The following OPCML variants were observed in gnomAD, a reference collection of about 807,000 sequenced individuals.
OPCML encodes the protein opioid binding protein/cell adhesion molecule like, also known as opioid-binding protein/cell adhesion molecule.
A neutral mutation model predicts 37.8 loss-of-function variants in OPCML; 13 were observed. That is an observed-to-expected ratio of 0.34 (90% CI 0.22 to 0.55). OPCML has a LOEUF of 0.55. Among genes scored for constraint, OPCML ranks in the 20% least tolerant of loss-of-function variants. OPCML has a pLI of 0.91. For synonymous variants in OPCML, 176 were observed against 168.8 expected, an observed-to-expected ratio of 1.04 and a Z score of -0.33; for missense variants, 341 against 435.6, an observed-to-expected ratio of 0.78 and a Z score of 1.93.
At chr11:132,492,853 T>C (rs2096220406) in intron 4 of OPCML, among the ~76,000 whole-genome samples, 1 of 152,182 alleles carries the variant, frequency 6.6e-6, no homozygotes, top group Admixed American at 6.5e-5. Context: ...AGTAAATATT[T>C]TGAATGAATG....
In OPCML at chr11:132,899,769, C is replaced by G. The variant is rs544826986; in HGVS notation, c.146+43157G>C. 2.2e-4 allele frequency among the ~76,000 whole-genome samples: 33 copies of G among 152,146 alleles called. No homozygotes were observed. The South Asian group carries it at 6.5e-3, about 30-fold the overall frequency. The stretch of plus-strand genomic sequence containing the variant: ...AAGATCTGCCCTCACTGTATGTGGG[C>G]ACCATCCCATAGGCTGGGACCTAGA... On this transcript the variant is annotated intron_variant, in intron 2 of 7. Coordinates refer to ENST00000524381, the MANE Select transcript of OPCML (RefSeq NM_001012393.5).
chr11:132,658,256 A>G (rs1941800808), intron 2 of OPCML, among the ~76,000 whole-genome samples: 1 of 152,106 alleles, frequency 6.6e-6, no homozygotes, highest in Non-Finnish European at 1.5e-5. Context: ...AAGGACAACC[A>G]CTCTTGCCAA....
intron 3 of OPCML, among the ~76,000 whole-genome samples, chr11:132,604,261 C>G (rs1035232561): frequency 1.4e-5 from 2 of 147,202 alleles, no homozygotes; most frequent in Admixed American, 1.4e-4. Flanking sequence ...TTATCCCTTG[C>G]TTCTTTGTGT....
At chr11:132,677,969 C>T (rs556646531) in intron 2 of OPCML, among the ~76,000 whole-genome samples, 2 of 152,238 alleles carry the variant, frequency 1.3e-5, no homozygotes, top group African/African-American at 4.8e-5. Flanking sequence ...AAAGAAACCA[C>T]AGACTGGAAA....
At chr11:132,481,220 G>GA (rs2096179281) in intron 4 of OPCML, among the ~76,000 whole-genome samples, 1 of 152,114 alleles carries the variant, frequency 6.6e-6, no homozygotes, top group African/African-American at 2.4e-5. Context: ...ATAAAGGGAT[G>GA]GAGGAAGATC....
intron 1 of OPCML, among the ~76,000 whole-genome samples, chr11:133,314,497 A>G (rs1448441401): frequency 6.6e-6 from 1 of 151,132 alleles, no homozygotes; most frequent in East Asian, 1.9e-4. Context: ...TCTGCACACT[A>G]TTCATCTCTA....
chr11:132,690,189 C>G (rs1439277750), intron 2 of OPCML, among the ~76,000 whole-genome samples: 1 of 152,154 alleles, frequency 6.6e-6, no homozygotes, highest in African/African-American at 2.4e-5. Flanking sequence ...GTCCTCCCAC[C>G]TCAGTCTCAC....
chr11:133,363,370 TTCTC>T (rs941770338), intron 1 of OPCML, among the ~76,000 whole-genome samples: 2 of 151,846 alleles, frequency 1.3e-5, no homozygotes, highest in Admixed American at 6.6e-5. Flanking sequence ...TTGTGGTGAG[TTCTC>T]TCTCTTTCAG....
chr11:132,982,839 T>C (rs1423690871), intron 1 of OPCML, among the ~76,000 whole-genome samples: 1 of 152,334 alleles, frequency 6.6e-6, no homozygotes, highest in Non-Finnish European at 1.5e-5. Flanking sequence ...GCTCTCTCTA[T>C]GAGCCCAGCA....
chr11:132,472,524 A>G, intron 4 of OPCML, among the ~76,000 whole-genome samples: 1 of 152,178 alleles, frequency 6.6e-6, no homozygotes, highest in East Asian at 1.9e-4. Flanking sequence ...TCTCTCTGTA[A>G]TATTTATATT....
chr11:133,201,870 C>A (rs915548412), intron 1 of OPCML, among the ~76,000 whole-genome samples: 1 of 152,158 alleles, frequency 6.6e-6, no homozygotes, highest in Non-Finnish European at 1.5e-5. Context: ...TACCTCCTAA[C>A]TTTTTAGGTC....
intron 1 of OPCML, among the ~76,000 whole-genome samples, chr11:133,443,324 G>T (rs1946402815): frequency 6.6e-6 from 1 of 152,176 alleles, no homozygotes; most frequent in African/African-American, 2.4e-5. Flanking sequence ...TATGTATCAT[G>T]CCAAGTCATT....
intron 1 of OPCML, among the ~76,000 whole-genome samples, chr11:133,515,080 T>A (rs1403609399): frequency 6.6e-6 from 1 of 152,164 alleles, no homozygotes; most frequent in Non-Finnish European, 1.5e-5. Context: ...AGAAGAAAAA[T>A]TTGATGACTT....
At chr11:133,380,152 A>G (rs77949386) in intron 1 of OPCML, among the ~76,000 whole-genome samples, 7,982 of 152,220 alleles carry the variant, frequency 0.052, 265 homozygotes, top group African/African-American at 0.089. Context: ...TGGCCAGAAT[A>G]CAAGCAGGGG....
intron 4 of OPCML, among the ~76,000 whole-genome samples, chr11:132,442,562 C>G (rs777784056): frequency 2.6e-5 from 4 of 152,114 alleles, no homozygotes; most frequent in Non-Finnish European, 5.9e-5. Flanking sequence ...CTCTGAATAC[C>G]TCTGGGGACA....
At chr11:133,457,901 C>A (rs1946706551) in intron 1 of OPCML, among the ~76,000 whole-genome samples, 1 of 152,060 alleles carries the variant, frequency 6.6e-6, no homozygotes. Flanking sequence ...AATCCCAACA[C>A]TTTGGGAGGC....
At chr11:132,438,509 A>T (rs1023791844) in intron 4 of OPCML, among the ~76,000 whole-genome samples, 1 of 150,700 alleles carries the variant, frequency 6.6e-6, no homozygotes, top group Admixed American at 6.6e-5. Context: ...AGGACATAGG[A>T]TGTGGAGCAG....
intron 2 of OPCML, among the ~76,000 whole-genome samples, chr11:132,776,880 T>TC (rs2136138427): frequency 6.6e-6 from 1 of 152,200 alleles, no homozygotes; most frequent in Non-Finnish European, 1.5e-5. Context: ...TTGTTGCTCA[T>TC]CGCTCTCTGT....
intron 1 of OPCML, among the ~76,000 whole-genome samples, chr11:133,224,892 T>C (rs1565514931): frequency 6.6e-6 from 1 of 152,210 alleles, no homozygotes; most frequent in Non-Finnish European, 1.5e-5. Flanking sequence ...CTCCTAGGCT[T>C]GGCCTTGTTG....
Sources: allele counts gnomAD v4.1 joint callset (sites outside exome capture counted in the v4.1 genomes callset), GRCh38; gene constraint gnomAD v4.1.1; transcripts MANE v1.5; gene names NCBI Gene and HGNC (gene_info 2026-07-23, HGNC 2026-07-21).